The following OR52N2 variants were observed in gnomAD, a reference collection of about 807,000 sequenced individuals.
OR52N2 encodes the protein olfactory receptor 52N2.
For missense variants in OR52N2, 326 were observed against 196.6 expected, an observed-to-expected ratio of 1.66 and a Z score of -3.94; for synonymous variants, 129 against 72.0, an observed-to-expected ratio of 1.79 and a Z score of -4.01.
At chr11:5,817,029 G>T (rs73394351) in intron 1 of OR52N2, among the ~76,000 whole-genome samples, 9,432 of 152,030 alleles carry the variant, frequency 0.062, 342 homozygotes, top group African/African-American at 0.091. Flanking sequence ...CCAAGGAGTC[G>T]CAGGAATCTT....
intron 1 of OR52N2, among the ~76,000 whole-genome samples, chr11:5,816,780 T>G (rs1461847590): frequency 1.3e-5 from 2 of 152,124 alleles, no homozygotes; most frequent in Non-Finnish European, 2.9e-5. Context: ...CCCCCCAAAG[T>G]GCTGGGATTA....
chr11:5,818,223 G>GA (rs942344400), intron 1 of OR52N2, among the ~76,000 whole-genome samples: 4 of 150,794 alleles, frequency 2.7e-5, no homozygotes, highest in South Asian at 4.2e-4. Context: ...GTTGTAAGAG[G>GA]AAAAAAAAAG....
rs1396866059 is a variant in OR52N2, at chr11:5,821,024, T to C, written c.689T>C (p.Leu230Pro). ...YTMILQAVMS[L>P]SSADARHKAF... ...ATGATTTTGCAGGCTGTTATGAGCC[T>C]GTCATCAGCAGATGCTCGTCACAAA... is the stretch of plus-strand genomic sequence containing the variant. The change falls in exon 2 of 2, where the codon CTG (leucine) becomes CCG (proline). Residue 230 changes from leucine (L) to proline (P), a missense_variant. By Grantham distance (98) the Leu-to-Pro change is moderately conservative. Coordinates refer to ENST00000317037, the MANE Select transcript of OR52N2 (RefSeq NM_001005174.3). The C allele has an allele frequency of 5.1e-6, 4 of 781,056 alleles. No individual in the cohort carries two copies. Among genetic ancestry groups the C allele is most frequent in the South Asian group, 4.0e-5 (3 of 74,624 alleles). 48.4% of individuals were successfully genotyped at this position (781,056 alleles called of 1,614,324 possible). A position where few individuals can be genotyped will look rare whatever the true frequency, so the allele number is the denominator to read the frequency against.
chr11:5,815,814 A>G (rs1224929697), intron 1 of OR52N2, among the ~76,000 whole-genome samples: 1 of 152,166 alleles, frequency 6.6e-6, no homozygotes, highest in African/African-American at 2.4e-5. Context: ...TAACCAAGAT[A>G]TAAGAACAAT....
chr11:5,819,089 G>T (rs560297135), intron 1 of OR52N2, among the ~76,000 whole-genome samples: 1 of 152,238 alleles, frequency 6.6e-6, no homozygotes, highest in African/African-American at 2.4e-5. Flanking sequence ...TCACAACCAT[G>T]TAATCCATGC....
intron 1 of OR52N2, among the ~76,000 whole-genome samples, chr11:5,811,195 A>C (rs989191857): frequency 1.3e-5 from 2 of 152,062 alleles, no homozygotes; most frequent in Non-Finnish European, 2.9e-5. Flanking sequence ...AGAAATGCTA[A>C]AGCTGAAAAA....
chr11:5,814,187 G>T (rs1356330722), intron 1 of OR52N2, among the ~76,000 whole-genome samples: 1 of 152,034 alleles, frequency 6.6e-6, no homozygotes, highest in Non-Finnish European at 1.5e-5. Flanking sequence ...GAAATAAAAG[G>T]CCTCTCAATT....
intron 1 of OR52N2, among the ~76,000 whole-genome samples, chr11:5,816,768 G>C (rs528587513): frequency 6.6e-6 from 1 of 151,992 alleles, no homozygotes; most frequent in Non-Finnish European, 1.5e-5. Flanking sequence ...CAAACTCTTG[G>C]GCCCCCCAAA....
intron 1 of OR52N2, among the ~76,000 whole-genome samples, chr11:5,815,282 G>GT (rs1846395355): frequency 6.6e-6 from 1 of 151,898 alleles, no homozygotes; most frequent in Non-Finnish European, 1.5e-5. Context: ...TATAAACAAA[G>GT]TAAAAAGGCA....
intron 1 of OR52N2, among the ~76,000 whole-genome samples, chr11:5,809,262 A>G (rs1304149835): frequency 6.6e-6 from 1 of 152,210 alleles, no homozygotes; most frequent in Non-Finnish European, 1.5e-5. Flanking sequence ...ACAGGGAAGG[A>G]AGGAGAGCAG....
intron 1 of OR52N2, among the ~76,000 whole-genome samples, chr11:5,812,142 G>A (rs1039612245): frequency 2.0e-5 from 3 of 149,908 alleles, no homozygotes; most frequent in African/African-American, 7.4e-5. Flanking sequence ...CATGGCACAC[G>A]TATACCTATG....
chr11:5,811,906 G>C (rs1030019181), intron 1 of OR52N2, among the ~76,000 whole-genome samples: 1 of 152,184 alleles, frequency 6.6e-6, no homozygotes, highest in Non-Finnish European at 1.5e-5. Context: ...TAAGGCAAAA[G>C]AGTTCAGAAG....
rs760199631 is a variant in OR52N2 at position 5,821,289 on chromosome 11, C to T, written c.954C>T (p.Thr318=). ...KFLLGDKVSF[T]YDK ...TACTTGGAGACAAGGTTAGTTTTAC[C>T]TATGACAAATGAAACATAGAATAGA... is the stretch of plus-strand genomic sequence containing the variant. Residue 318 remains threonine, a synonymous_variant, in exon 2 of 2, where the codon ACC becomes ACT. Transcript: ENST00000317037. 1 of 777,822 alleles carries T rather than the reference C, an allele frequency of 1.3e-6. No individual in the cohort carries two copies. Among genetic ancestry groups the T allele is most frequent in the South Asian group, 1.3e-5 (1 of 74,286 alleles). 48.2% of individuals were successfully genotyped at this position (777,822 alleles called of 1,614,324 possible).
At chr11:5,816,545 C>CTTTTT (rs1464421774) in intron 1 of OR52N2, among the ~76,000 whole-genome samples, 6 of 150,700 alleles carry the variant, frequency 4.0e-5, no homozygotes, top group Admixed American at 6.6e-5. Flanking sequence ...TGATCTAAAT[C>CTTTTT]TTCTTTTTTT....
At chr11:5,814,072 T>C (rs4262752) in intron 1 of OR52N2, among the ~76,000 whole-genome samples, 101,199 of 152,108 alleles carry the variant, frequency 0.67, 34,282 homozygotes, top group South Asian at 0.75. Context: ...GGTGAAAAGT[T>C]GAAAGCTTTT....
chr11:5,812,940 A>T (rs1846375456), intron 1 of OR52N2, among the ~76,000 whole-genome samples: 1 of 152,074 alleles, frequency 6.6e-6, no homozygotes, highest in South Asian at 2.1e-4. Flanking sequence ...ATTTACAAAT[A>T]CATGAAAATT....
chr11:5,814,409 A>C (rs1416542602), intron 1 of OR52N2, among the ~76,000 whole-genome samples: 1 of 152,064 alleles, frequency 6.6e-6, no homozygotes, highest in Admixed American at 6.5e-5. Flanking sequence ...ATAAAATAAT[A>C]AAATACATAA....
chr11:5,818,676 T>C (rs73394365), intron 1 of OR52N2, among the ~76,000 whole-genome samples: 8,900 of 152,230 alleles, frequency 0.058, 306 homozygotes, highest in African/African-American at 0.078. Context: ...TTTTACTTTC[T>C]CTTTCACTTC....
In OR52N2 at chr11:5,816,545, C is replaced by CTTTTTTTTTTTTTTTTTTTTTTTT. The variant is rs1464421774; in HGVS notation, c.-54-3735_-54-3734insTTTTTTTTTTTTTTTTTTTTTTTT. On this transcript the variant is annotated intron_variant, in intron 1 of 1. Transcript: ENST00000317037. The stretch of plus-strand genomic sequence containing the variant: ...CCAATTTAGGAAGCCTGATCTAAAT[C>CTTTTTTTTTTTTTTTTTTTTTTTT]TTCTTTTTTTGAGAGACACGGTCTC... Among the ~76,000 whole-genome samples, 13 of 150,688 alleles carry CTTTTTTTTTTTTTTTTTTTTTTTT rather than the reference C, an allele frequency of 8.6e-5. 1 individual carries two copies. Among genetic ancestry groups the CTTTTTTTTTTTTTTTTTTTTTTTT allele is most frequent in the South Asian group, 2.1e-4 (1 of 4,774 alleles).
Sources: allele counts gnomAD v4.1 joint callset (sites outside exome capture counted in the v4.1 genomes callset), GRCh38; gene constraint gnomAD v4.1.1; transcripts MANE v1.5; gene names NCBI Gene and HGNC (gene_info 2026-07-23, HGNC 2026-07-21).